PDS5B: variants seen among roughly 807,000 people sequenced by gnomAD.
The protein encoded by PDS5B is PDS5 cohesin associated factor B.
PDS5B carries 51 observed loss-of-function variants against 184.1 expected under a neutral mutation model. The ratio of observed to expected loss-of-function variants is 0.28; its 90% CI spans 0.22 to 0.35. The LOEUF (loss-of-function observed/expected upper bound fraction) is 0.35, where lower values mean the gene tolerates loss of function less well. Ranked by LOEUF, PDS5B falls within the 10% of genes least tolerant of loss-of-function variation. The pLI is 1.00. For missense variants in PDS5B, 1,180 were observed against 1,723.3 expected (o/e 0.68, Z 5.58); for synonymous variants, 566 against 569.2 (o/e 0.99, Z 0.08).
Position 32,773,276 on chromosome 13 carries a change from T to C in PDS5B, c.4260T>C (p.Asp1420=). The stretch of plus-strand genomic sequence containing the variant: ...TGTTTCAGGGTAGCTCTCCTGTCGA[T>C]GATATTCCACAGGAAGAAACAGAGG... ...VDVFQGSSPV[D]DIPQEETEEE... The change falls in exon 34 of 35, where the codon GAT becomes GAC. Residue 1420 remains aspartate (D), a synonymous_variant. Transcript: ENST00000315596. 1 of 1,612,726 alleles carries C rather than the reference T, an allele frequency of 6.2e-7. No homozygotes were observed. Among genetic ancestry groups the C allele is most frequent in the Non-Finnish European group, 8.5e-7 (1 of 1,179,034 alleles).
intron 31 of PDS5B, among the ~76,000 whole-genome samples, chr13:32,766,135 C>T (rs1440604338): frequency 6.6e-6 from 1 of 152,142 alleles, no homozygotes; most frequent in African/African-American, 2.4e-5. Flanking sequence ...GAGCTGGTCA[C>T]CACGTTGAAA....
chr13:32,630,198 A>G (rs2058433454), intron 1 of PDS5B, among the ~76,000 whole-genome samples: 2 of 152,210 alleles, frequency 1.3e-5, no homozygotes, highest in African/African-American at 4.8e-5. Flanking sequence ...CATGCATGCA[A>G]ACTCTGTATA....
intron 19 of PDS5B, among the ~76,000 whole-genome samples, chr13:32,721,297 G>A (rs1352767819): frequency 2.1e-4 from 32 of 151,440 alleles, no homozygotes; most frequent in Admixed American, 1.4e-3. Flanking sequence ...CGGGGTGGCT[G>A]CCGGGCGGGG....
At chr13:32,588,206 CAATT>C (rs1170537962) in intron 1 of PDS5B, among the ~76,000 whole-genome samples, 2 of 152,138 alleles carry the variant, frequency 1.3e-5, no homozygotes, top group East Asian at 1.9e-4. Flanking sequence ...GTTCGTGCAA[CAATT>C]AATCTTGTAT....
chr13:32,694,376 A>G (rs781198201), intron 14 of PDS5B, 72 bp downstream of exon 14: 30 of 904,062 alleles, frequency 3.3e-5, no homozygotes, highest in Middle Eastern at 2.4e-4. Context: ...CATTGCTGCT[A>G]TGTGTTAAAC....
chr13:32,748,433 A>G (rs1487056989), intron 24 of PDS5B, among the ~76,000 whole-genome samples: 1 of 144,708 alleles, frequency 6.9e-6, no homozygotes, highest in African/African-American at 2.5e-5. Context: ...TTGTTGCTTT[A>G]CTTATCTGAT....
intron 19 of PDS5B, among the ~76,000 whole-genome samples, chr13:32,730,519 C>G (rs1953073190): frequency 2.0e-5 from 3 of 152,134 alleles, no homozygotes; most frequent in Admixed American, 6.5e-5. Context: ...AGCATTGAAT[C>G]TATAAATTAT....
chr13:32,655,374 A>ATATATATATATATATATATATTTT, intron 3 of PDS5B, among the ~76,000 whole-genome samples: 1 of 72,466 alleles, frequency 1.4e-5, no homozygotes, highest in Non-Finnish European at 2.2e-5. Context: ...ATATATATAT[A>ATATATATATATATATATATATTTT]TTTTTTTTTT....
At chr13:32,626,792 A>T (rs953123329) in intron 1 of PDS5B, among the ~76,000 whole-genome samples, 2 of 152,326 alleles carry the variant, frequency 1.3e-5, no homozygotes, top group East Asian at 1.9e-4. Context: ...AATACATAAC[A>T]GTTCTGTTTT....
At chr13:32,706,067 C>T (rs9596093) in intron 17 of PDS5B, among the ~76,000 whole-genome samples, 57,860 of 151,476 alleles carry the variant, frequency 0.38, 11,459 homozygotes, top group Non-Finnish European at 0.44. Flanking sequence ...CACTTCAGGT[C>T]AGGAGTTTGA....
intron 28 of PDS5B, 34 bp from the exon 29 acceptor site, chr13:32,759,594 A>T (rs773486146): frequency 5.8e-6 from 7 of 1,203,144 alleles, no homozygotes; most frequent in South Asian, 4.1e-5. Context: ...GTGTTTTAAT[A>T]TTCACTGACT....
intron 22 of PDS5B, among the ~76,000 whole-genome samples, chr13:32,742,226 A>G (rs1359111164): frequency 6.6e-6 from 1 of 152,240 alleles, no homozygotes; most frequent in Non-Finnish European, 1.5e-5. Context: ...TGTAGAACAA[A>G]TATGAGTGGT....
chr13:32,745,356 C>T (rs755725801), intron 23 of PDS5B, among the ~76,000 whole-genome samples: 28 of 152,152 alleles, frequency 1.8e-4, no homozygotes, highest in African/African-American at 3.9e-4. Context: ...ATTTCTTCTA[C>T]GCTTGACTAA....
intron 1 of PDS5B, among the ~76,000 whole-genome samples, chr13:32,631,114 C>CTT (rs766844209): frequency 9.7e-5 from 12 of 123,754 alleles, no homozygotes; most frequent in African/African-American, 2.3e-4. Flanking sequence ...TTCTTTTTTT[C>CTT]TTTCTTTTTT....
At chr13:32,591,725 G>A (rs2057778658) in intron 1 of PDS5B, among the ~76,000 whole-genome samples, 1 of 152,068 alleles carries the variant, frequency 6.6e-6, no homozygotes, top group African/African-American at 2.4e-5. Context: ...GTAAACATTT[G>A]TTTATATGCT....
intron 6 of PDS5B, among the ~76,000 whole-genome samples, chr13:32,664,406 A>G (rs572767518): frequency 6.6e-6 from 1 of 152,320 alleles, no homozygotes; most frequent in East Asian, 1.9e-4. Flanking sequence ...GTACTTAGAA[A>G]TTTAACCGTA....
intron 24 of PDS5B, among the ~76,000 whole-genome samples, chr13:32,746,714 C>A (rs916176394): frequency 6.6e-6 from 1 of 152,230 alleles, no homozygotes; most frequent in South Asian, 2.1e-4. Flanking sequence ...CTGAATAGAC[C>A]TCAAAAAGGA....
chr13:32,596,942 CTTTT>C (rs532925419), intron 1 of PDS5B, among the ~76,000 whole-genome samples: 1 of 151,752 alleles, frequency 6.6e-6, no homozygotes, highest in African/African-American at 2.4e-5. Context: ...CTTGCCTTAT[CTTTT>C]TTTTAACAGT....
At chr13:32,725,226 C>A (rs1952856874) in intron 19 of PDS5B, among the ~76,000 whole-genome samples, 1 of 152,150 alleles carries the variant, frequency 6.6e-6, no homozygotes, top group African/African-American at 2.4e-5. Context: ...ATAAAGAGGA[C>A]TAGTGTCCTC....
Sources: allele counts gnomAD v4.1 joint callset (sites outside exome capture counted in the v4.1 genomes callset), GRCh38; gene constraint gnomAD v4.1.1; transcripts MANE v1.5; gene names NCBI Gene and HGNC (gene_info 2026-07-23, HGNC 2026-07-21).